Variants in SLC2A13 observed in about 807,000 individuals in gnomAD.
The protein encoded by SLC2A13 is solute carrier family 2 member 13.
In SLC2A13, 32 loss-of-function variants were observed where a neutral mutation model predicts 64.4. The observed-to-expected ratio is 0.50, with a 90% CI of 0.37 to 0.67. SLC2A13 has a LOEUF of 0.67. Among genes scored for constraint, SLC2A13 ranks in the 30% least tolerant of loss-of-function variants. The pLI is 0.00. For synonymous variants in SLC2A13, 338 were observed against 327.1 expected (o/e 1.03, Z -0.36); for missense variants, 743 against 829.2 (o/e 0.90, Z 1.28).
intron 1 of SLC2A13, among the ~76,000 whole-genome samples, chr12:40,058,452 C>T (rs1388918193): frequency 3.3e-5 from 5 of 151,862 alleles, no homozygotes; most frequent in Non-Finnish European, 7.4e-5. Context: ...TAAAATGAAA[C>T]AAAAAGTCTG....
intron 4 of SLC2A13, chr12:39,950,402 C>T (rs1433803116): frequency 3.3e-5 from 5 of 152,120 alleles, no homozygotes; most frequent in African/African-American, 7.2e-5. Context: ...AATATGTGCC[C>T]TGGGAAAGCA....
chr12:40,105,136 G>A lies in SLC2A13; in HGVS notation c.556+117C>T. ...GGCTCTGGAGGCCAGAGAAGTGGAG[G>A]ATTCTCTGACCCTGGGAGACCAGAC... On this transcript the variant is annotated intron_variant, in intron 1 of 9. Coordinates refer to ENST00000280871, the MANE Select transcript of SLC2A13 (RefSeq NM_052885.4). The surrounding 1 kb of genome is among the most constrained non-coding windows in gnomAD (Gnocchi z 4.2). 11 of 1,406,762 alleles carry A rather than the reference G, an allele frequency of 7.8e-6. No individual in the cohort carries two copies. Among genetic ancestry groups the A allele is most frequent in the African/African-American group, 1.5e-5 (1 of 66,088 alleles). The allele number at this position is 1,406,762 out of a possible 1,614,324, so 87.1% of individuals were successfully genotyped here.
chr12:40,012,710 T>C (rs11174735), intron 3 of SLC2A13, among the ~76,000 whole-genome samples: 18,775 of 152,242 alleles, frequency 0.12, 1,236 homozygotes, highest in East Asian at 0.19. Flanking sequence ...AAGCAATAAC[T>C]GTCACAGATA....
At chr12:40,013,022 CT>C (rs1947556061) in intron 3 of SLC2A13, among the ~76,000 whole-genome samples, 1 of 152,106 alleles carries the variant, frequency 6.6e-6, no homozygotes, top group Non-Finnish European at 1.5e-5. Flanking sequence ...TTTATATGAT[CT>C]TCAGACATAA....
intron 3 of SLC2A13, among the ~76,000 whole-genome samples, chr12:40,021,544 T>C (rs1947718799): frequency 6.6e-6 from 1 of 152,202 alleles, no homozygotes; most frequent in South Asian, 2.1e-4. Flanking sequence ...AATCTACTGT[T>C]TACCAGCCTA....
chr12:39,798,079 C>A (rs1246791452), intron 7 of SLC2A13, among the ~76,000 whole-genome samples: 6 of 152,278 alleles, frequency 3.9e-5, no homozygotes, highest in Non-Finnish European at 8.8e-5. Context: ...GGATCATTCA[C>A]TTTGGAGGAA....
chr12:39,889,517 G>A lies in SLC2A13; in HGVS notation c.1035-17556C>T, dbSNP rs189692563. 4.0e-5 allele frequency among the ~76,000 whole-genome samples: 6 copies of A among 148,770 alleles called. No individual in the cohort carries two copies. The East Asian group carries it at 1.2e-3, about 29-fold the overall frequency. ...GAGTAGAGGCCGACTTTACGCTTCA[G>A]TGGTAAACAACCTTTTTTTTTTTTT... On this transcript the variant is annotated intron_variant, in intron 4 of 9. Coordinates refer to ENST00000280871, the MANE Select transcript of SLC2A13 (RefSeq NM_052885.4).
intron 3 of SLC2A13, among the ~76,000 whole-genome samples, chr12:39,972,287 C>G (rs1442884129): frequency 4.0e-5 from 6 of 151,744 alleles, no homozygotes. Context: ...ACATAGCCCA[C>G]AAAGCAAAAT....
At chr12:39,761,486 A>G (rs1940144243) in intron 9 of SLC2A13, among the ~76,000 whole-genome samples, 1 of 152,124 alleles carries the variant, frequency 6.6e-6, no homozygotes, top group Admixed American at 6.6e-5. Context: ...AGTGATGCCC[A>G]GATTGTTAAA....
chr12:39,924,839 C>G lies in SLC2A13; in HGVS notation c.1034+26418G>C, dbSNP rs921951449. Among the ~76,000 whole-genome samples the G allele has an allele frequency of 3.9e-5, 6 of 152,020 alleles. No homozygotes were observed. In the South Asian group the frequency reaches 1.0e-3, roughly 26 times the overall value. On this transcript the variant is annotated intron_variant, in intron 4 of 9. Coordinates refer to ENST00000280871, the MANE Select transcript of SLC2A13 (RefSeq NM_052885.4). ...AAGCTAACTTGAGAAAAAGACCCCC[C>G]ACCCCGCCAAAATAAAAGAAGTATG...
chr12:39,796,052 C>G (rs1262931926), intron 7 of SLC2A13, among the ~76,000 whole-genome samples: 1 of 152,142 alleles, frequency 6.6e-6, no homozygotes, highest in Non-Finnish European at 1.5e-5. Flanking sequence ...TCTTCTCCCC[C>G]CAGCCTCTGG....
chr12:39,841,764 G>C, intron 6 of SLC2A13, among the ~76,000 whole-genome samples: 1 of 151,700 alleles, frequency 6.6e-6, no homozygotes, highest in East Asian at 1.9e-4. Context: ...AATCTTCTCT[G>C]GTGACAATAT....
rs576145599 is a variant in SLC2A13 at position 39,946,020 on chromosome 12, C to T, written c.1034+5237G>A. On this transcript the variant is annotated intron_variant, in intron 4 of 9. Transcript: ENST00000280871. Reference sequence around the variant, plus strand: ...GGGAAGGTCTAGGGCTGAAGGCTGTCGTTCAGATTCTTTTGTCCCACAGGG... The same window carrying T: ...GGGAAGGTCTAGGGCTGAAGGCTGTTGTTCAGATTCTTTTGTCCCACAGGG... 1.5e-4 allele frequency among the ~76,000 whole-genome samples: 23 copies of T among 152,240 alleles called. No individual in the cohort carries two copies. The East Asian group carries it at 2.3e-3, about 15-fold the overall frequency.
chr12:39,878,071 T>C (rs1275022026), intron 4 of SLC2A13, among the ~76,000 whole-genome samples: 2 of 152,198 alleles, frequency 1.3e-5, no homozygotes, highest in Non-Finnish European at 2.9e-5. Flanking sequence ...GCAGGCTTCC[T>C]AAGGCCTCCC....
At chr12:39,922,492 A>C (rs1029929091) in intron 4 of SLC2A13, among the ~76,000 whole-genome samples, 6 of 152,218 alleles carry the variant, frequency 3.9e-5, no homozygotes, top group African/African-American at 7.2e-5. Flanking sequence ...ACTATTATCT[A>C]TCTTTTTAAG....
At chr12:39,761,939 C>T (rs1000145358) in intron 9 of SLC2A13, among the ~76,000 whole-genome samples, 10 of 152,016 alleles carry the variant, frequency 6.6e-5, no homozygotes, top group East Asian at 3.9e-4. Flanking sequence ...AATCTGTCAG[C>T]GCTAAACTCA....
chr12:39,766,057 A>G (rs1309235721), intron 7 of SLC2A13, among the ~76,000 whole-genome samples: 1 of 152,104 alleles, frequency 6.6e-6, no homozygotes, highest in Non-Finnish European at 1.5e-5. Context: ...ACAGCACTTT[A>G]TAGTTTCCTT....
At chr12:40,079,227 G>A (rs1351673361) in intron 1 of SLC2A13, among the ~76,000 whole-genome samples, 2 of 152,082 alleles carry the variant, frequency 1.3e-5, no homozygotes, top group Non-Finnish European at 2.9e-5. Flanking sequence ...TTGTTAATCT[G>A]AGCTCTAACT....
At chr12:39,979,263 C>T (rs957874226) in intron 3 of SLC2A13, among the ~76,000 whole-genome samples, 130 of 136,130 alleles carry the variant, frequency 9.5e-4, no homozygotes, top group Non-Finnish European at 1.3e-3. Flanking sequence ...AAACGCAGAG[C>T]GCCTCTCCTC....
Sources: allele counts gnomAD v4.1 joint callset (sites outside exome capture counted in the v4.1 genomes callset), GRCh38; gene constraint gnomAD v4.1.1; non-coding constraint Gnocchi (gnomAD v3.1); transcripts MANE v1.5; gene names NCBI Gene and HGNC (gene_info 2026-07-23, HGNC 2026-07-21).